The following ADCY8 variants were observed in gnomAD, a reference collection of about 807,000 sequenced individuals.
ADCY8 encodes the protein adenylate cyclase 8.
In ADCY8, 51 loss-of-function variants were observed where a neutral mutation model predicts 119.7. The observed-to-expected ratio is 0.43, with a 90% CI of 0.34 to 0.54. The LOEUF is 0.54. Ranked by LOEUF, ADCY8 falls within the 20% of genes least tolerant of loss-of-function variation. ADCY8 has a pLI of 0.03. For missense variants in ADCY8, 1,383 were observed against 1,598.8 expected (o/e 0.87, Z 2.30); for synonymous variants, 665 against 651.0 (o/e 1.02, Z -0.33).
rs113253159 is a variant in ADCY8 at position 130,909,946 on chromosome 8, T to C, written c.1482-80A>G. The stretch of plus-strand genomic sequence containing the variant: ...TGGCTCTGCACTTTCTTTTCTTTTT[T>C]TTTTTTTTTGAGACGGAGTTTTGCT... On this transcript the variant is annotated intron_variant, in intron 5 of 17. Coordinates refer to ENST00000286355, the MANE Select transcript of ADCY8 (RefSeq NM_001115.3). 2,061 of 1,375,084 alleles carry C rather than the reference T, an allele frequency of 1.5e-3. 35 individuals are homozygous for C. In the African/African-American group the frequency reaches 0.027, roughly 18 times the overall value. The allele number at this position is 1,375,084 out of a possible 1,614,324, so 85.2% of individuals were successfully genotyped here.
intron 7 of ADCY8, among the ~76,000 whole-genome samples, chr8:130,886,582 C>T (rs1165758619): frequency 6.6e-6 from 1 of 152,042 alleles, no homozygotes. Context: ...GATAAAACTC[C>T]ATTTTCCGTC....
intron 12 of ADCY8, among the ~76,000 whole-genome samples, chr8:130,822,580 A>ATCCATCCATCCATCCT (rs1816550905): frequency 6.6e-6 from 1 of 151,212 alleles, no homozygotes; most frequent in Non-Finnish European, 1.5e-5. Flanking sequence ...CCATCCATCC[A>ATCCATCCATCCATCCT]TCCATCCATC....
chr8:130,808,835 T>C (rs1402236617), intron 14 of ADCY8, among the ~76,000 whole-genome samples: 2 of 152,188 alleles, frequency 1.3e-5, no homozygotes, highest in Admixed American at 1.3e-4. Context: ...AGAGATGGGA[T>C]TTATGCTGTG....
Position 131,040,334 on chromosome 8 carries a change from G to T in ADCY8, c.-1C>A. The T allele has an allele frequency of 6.7e-7, 1 of 1,496,066 alleles. No individual in the cohort carries two copies. Among genetic ancestry groups the T allele is most frequent in the South Asian group, 1.3e-5 (1 of 75,132 alleles). The allele number at this position is 1,496,066 out of a possible 1,614,324, so 92.7% of individuals were successfully genotyped here. On this transcript the variant is annotated 5_prime_UTR_variant, in exon 1 of 18. Transcript: ENST00000286355. ...GGCAGCGCACATCGGAGAGCTCCAT[G>T]GCTCTGGGCCGCAGGGAAGGAGGCC...
At chr8:130,998,844 A>G (rs1022952155) in intron 1 of ADCY8, among the ~76,000 whole-genome samples, 4 of 152,138 alleles carry the variant, frequency 2.6e-5, no homozygotes, top group Non-Finnish European at 5.9e-5. Flanking sequence ...GACAAAGATG[A>G]TTCTCAGCAA....
intron 12 of ADCY8, among the ~76,000 whole-genome samples, chr8:130,824,325 A>T (rs887416450): frequency 2.0e-5 from 3 of 152,174 alleles, no homozygotes; most frequent in Admixed American, 6.5e-5. Flanking sequence ...TCATATCAAC[A>T]ATCAAGATAC....
intron 8 of ADCY8, among the ~76,000 whole-genome samples, chr8:130,880,783 G>A (rs536806657): frequency 1.3e-5 from 2 of 152,240 alleles, no homozygotes; most frequent in South Asian, 4.1e-4. Context: ...AGTGAAGGGA[G>A]GTGATACTAA....
At chr8:130,876,361 G>T (rs1563707135) in intron 8 of ADCY8, among the ~76,000 whole-genome samples, 1 of 152,194 alleles carries the variant, frequency 6.6e-6, no homozygotes, top group East Asian at 1.9e-4. Context: ...GGGTTTGATT[G>T]TTCTGGGAGG....
At chr8:131,016,291 A>C (rs1447079019) in intron 1 of ADCY8, among the ~76,000 whole-genome samples, 2 of 152,162 alleles carry the variant, frequency 1.3e-5, no homozygotes, top group Admixed American at 1.3e-4. Flanking sequence ...TGGGAGGCCA[A>C]GAAAAAGGAT....
rs148971680 is a variant in ADCY8, at chr8:130,813,257, T to C, written c.2913+812A>G. ...CCACTGCGCCCGGCCATCTTGACCATTTTTAAGTGTATAGTTTAGTGGCAT... is the reference window on the plus strand; with the variant it reads ...CCACTGCGCCCGGCCATCTTGACCACTTTTAAGTGTATAGTTTAGTGGCAT... On this transcript the variant is annotated intron_variant, in intron 14 of 17. Coordinates refer to ENST00000286355, the MANE Select transcript of ADCY8 (RefSeq NM_001115.3). Among the ~76,000 whole-genome samples the C allele has an allele frequency of 1.3e-3, 204 of 152,320 alleles. 2 individuals are homozygous for C. The highest frequency in any genetic ancestry group is 4.6e-3 in the African/African-American group (191 of 41,564).
chr8:130,914,272 G>A (rs768057731), intron 5 of ADCY8, among the ~76,000 whole-genome samples: 10 of 152,168 alleles, frequency 6.6e-5, no homozygotes, highest in South Asian at 2.1e-4. Context: ...TGTGAGCCCC[G>A]AAGGATATAA....
intron 12 of ADCY8, among the ~76,000 whole-genome samples, chr8:130,834,470 A>G (rs1816926098): frequency 6.6e-6 from 1 of 152,198 alleles, no homozygotes; most frequent in Non-Finnish European, 1.5e-5. Flanking sequence ...CACATTGGAG[A>G]GCAATTTGGC....
intron 9 of ADCY8, among the ~76,000 whole-genome samples, chr8:130,862,403 G>A (rs1371380646): frequency 6.6e-6 from 1 of 151,896 alleles, no homozygotes; most frequent in African/African-American, 2.4e-5. Flanking sequence ...TTTTCATTTA[G>A]TTCAATTTTG....
At chr8:130,989,778 G>A (rs536278813) in intron 2 of ADCY8, among the ~76,000 whole-genome samples, 1 of 152,266 alleles carries the variant, frequency 6.6e-6, no homozygotes, top group South Asian at 2.1e-4. Context: ...CTACTTTTAA[G>A]TTCTTATAAC....
At chr8:130,869,993 TCTCC>T (rs1183102602) in intron 8 of ADCY8, among the ~76,000 whole-genome samples, 1 of 128,264 alleles carries the variant, frequency 7.8e-6, no homozygotes, top group Non-Finnish European at 1.7e-5. Context: ...CTCCTCCTCC[TCTCC>T]TCTTCCTCTT....
At chr8:130,827,443 C>G (rs1036770243) in intron 12 of ADCY8, among the ~76,000 whole-genome samples, 2 of 152,188 alleles carry the variant, frequency 1.3e-5, no homozygotes, top group Admixed American at 6.5e-5. Flanking sequence ...TCCCCATGCT[C>G]TATGTAAACA....
chr8:130,860,926 T>C (rs1312998386), intron 9 of ADCY8, among the ~76,000 whole-genome samples: 2 of 152,188 alleles, frequency 1.3e-5, no homozygotes, highest in Non-Finnish European at 2.9e-5. Flanking sequence ...TTGCTGAGAA[T>C]TGGGCATCCA....
chr8:130,956,162 A>G (rs1023626993), intron 2 of ADCY8, among the ~76,000 whole-genome samples: 1 of 152,200 alleles, frequency 6.6e-6, no homozygotes, highest in Non-Finnish European at 1.5e-5. Context: ...CAAACAAACA[A>G]ACAAAAAAAT....
intron 2 of ADCY8, among the ~76,000 whole-genome samples, chr8:130,981,757 G>T (rs1210693848): frequency 1.3e-5 from 2 of 152,314 alleles, no homozygotes; most frequent in African/African-American, 2.4e-5. Context: ...ATAACAAGAA[G>T]AAAAACTGTT....
Sources: gnomAD v4.1 joint callset for allele counts (sites outside exome capture counted in the v4.1 genomes callset) on GRCh38, gnomAD v4.1.1 for gene constraint, MANE v1.5 for transcripts, NCBI Gene and HGNC (gene_info 2026-07-23, HGNC 2026-07-21) for gene names.